Variants in RNF180 observed in about 807,000 individuals in gnomAD.
RNF180 encodes ring finger protein 180, also known as E3 ubiquitin-protein ligase RNF180.
A neutral mutation model predicts 59.2 loss-of-function variants in RNF180; 38 were observed. The observed-to-expected ratio is 0.64, with a 90% CI of 0.50 to 0.84. The LOEUF is 0.84. Among genes scored for constraint, RNF180 ranks in the 40% least tolerant of loss-of-function variants. RNF180 has a pLI of 0.00. For synonymous variants in RNF180, 262 were observed against 240.3 expected (o/e 1.09, Z -0.84); for missense variants, 705 against 700.9 (o/e 1.01, Z -0.07).
At chr5:64,345,409 T>C (rs754483904) in intron 7 of RNF180, among the ~76,000 whole-genome samples, 1 of 152,180 alleles carries the variant, frequency 6.6e-6, no homozygotes, top group Non-Finnish European at 1.5e-5. Context: ...AAGATAACTA[T>C]CCATAGGGGT....
Position 64,213,840 on chromosome 5 carries a change from A to C in RNF180, c.514A>C (p.Asn172His). ...NHRLLNMARN[N>H]NDPGRLTEAL... ...CAGGCTTTTAAACATGGCCCGAAATAATAATGACCCTGGAAGATTAACAGA... is the reference window on the plus strand; with the variant it reads ...CAGGCTTTTAAACATGGCCCGAAATCATAATGACCCTGGAAGATTAACAGA... Residue 172 changes from asparagine to histidine, a missense_variant, in exon 4 of 8, where the codon AAT becomes CAT. Coordinates refer to ENST00000389100, the MANE Select transcript of RNF180 (RefSeq NM_001113561.2). 6.2e-7 allele frequency: 1 copy of C among 1,614,140 alleles called. No homozygotes were observed. Among genetic ancestry groups the C allele is most frequent in the Non-Finnish European group, 8.5e-7 (1 of 1,180,018 alleles).
chr5:64,346,263 A>T (rs1445139154), intron 7 of RNF180, among the ~76,000 whole-genome samples: 2 of 151,324 alleles, frequency 1.3e-5, no homozygotes, highest in African/African-American at 4.8e-5. Context: ...AATATTCATG[A>T]CATGAGGGAA....
At chr5:64,357,594 T>C (rs1028511160) in intron 7 of RNF180, among the ~76,000 whole-genome samples, 3 of 151,824 alleles carry the variant, frequency 2.0e-5, no homozygotes, top group Non-Finnish European at 2.9e-5. Flanking sequence ...CATTTTATTC[T>C]CTAAAGTCTG....
At chr5:64,301,667 T>A (rs1184002265) in intron 5 of RNF180, among the ~76,000 whole-genome samples, 2 of 151,012 alleles carry the variant, frequency 1.3e-5, no homozygotes, top group Non-Finnish European at 3.0e-5. Context: ...TTTAAAAATG[T>A]CTTAGTCATA....
intron 5 of RNF180, among the ~76,000 whole-genome samples, chr5:64,288,341 C>G (rs935356041): frequency 7.2e-5 from 11 of 152,128 alleles, no homozygotes; most frequent in African/African-American, 2.7e-4. Context: ...TGTGATGCCT[C>G]CAGCTTTGTT....
At chr5:64,233,641 C>T (rs964168372) in intron 5 of RNF180, among the ~76,000 whole-genome samples, 1 of 152,186 alleles carries the variant, frequency 6.6e-6, no homozygotes. Context: ...GGATTGGGAG[C>T]TGGAAGAAGA....
In RNF180 at chr5:64,193,602, G is replaced by A. The variant is rs143351907; in HGVS notation, c.1-7206G>A. ...GTTTAGGATTTGGATTATGAAAGTC[G>A]TCTTTAGCATTTAACCAGTTCTTTG... On this transcript the variant is annotated intron_variant, in intron 1 of 7. Coordinates refer to ENST00000389100, the MANE Select transcript of RNF180 (RefSeq NM_001113561.2). Among the ~76,000 whole-genome samples, 39 of 152,180 alleles carry A rather than the reference G, an allele frequency of 2.6e-4. No homozygotes were observed. The East Asian group carries it at 3.9e-3, about 15-fold the overall frequency.
chr5:64,240,737 T>G (rs991467203), intron 5 of RNF180, among the ~76,000 whole-genome samples: 1 of 152,208 alleles, frequency 6.6e-6, no homozygotes, highest in African/African-American at 2.4e-5. Context: ...TTCTTCTGCC[T>G]GGAAGGCTCT....
rs1295862804 is a variant in RNF180 at position 64,328,901 on chromosome 5, T to C, written c.1454-1380T>C. On this transcript the variant is annotated intron_variant, in intron 6 of 7. Coordinates refer to ENST00000389100, the MANE Select transcript of RNF180 (RefSeq NM_001113561.2). Reference sequence around the variant, plus strand: ...AGGGGATGGTTGATGGAAAGCCTAGTTTACTTCTCAGGTTAGTAACTAGCT... The same window carrying C: ...AGGGGATGGTTGATGGAAAGCCTAGCTTACTTCTCAGGTTAGTAACTAGCT... Among the ~76,000 whole-genome samples the C allele has an allele frequency of 3.3e-5, 5 of 152,292 alleles. No individual in the cohort carries two copies. The East Asian group carries it at 9.7e-4, about 29-fold the overall frequency.
At chr5:64,340,764 T>C (rs906022893) in intron 7 of RNF180, among the ~76,000 whole-genome samples, 2 of 152,256 alleles carry the variant, frequency 1.3e-5, no homozygotes, top group Non-Finnish European at 2.9e-5. Context: ...TTACACAGTT[T>C]ACTTATGAGT....
chr5:64,187,219 A>G (rs1750914800), intron 1 of RNF180, among the ~76,000 whole-genome samples: 1 of 152,204 alleles, frequency 6.6e-6, no homozygotes, highest in African/African-American at 2.4e-5. Flanking sequence ...ACTTTAATTG[A>G]AGTATGTGAC....
intron 5 of RNF180, among the ~76,000 whole-genome samples, chr5:64,295,310 G>A (rs919365362): frequency 6.6e-6 from 1 of 152,024 alleles, no homozygotes; most frequent in African/African-American, 2.4e-5. Flanking sequence ...TGCCACCTGG[G>A]GCATCTCTGT....
intron 7 of RNF180, among the ~76,000 whole-genome samples, chr5:64,351,886 G>A (rs1745826898): frequency 6.6e-6 from 1 of 152,062 alleles, no homozygotes; most frequent in South Asian, 2.1e-4. Context: ...GTCTCTGTCA[G>A]GCTTTGGTAT....
At chr5:64,272,969 A>G (rs1039623371) in intron 5 of RNF180, among the ~76,000 whole-genome samples, 1 of 151,936 alleles carries the variant, frequency 6.6e-6, no homozygotes, top group Admixed American at 6.6e-5. Context: ...AAAAAAGGTC[A>G]AGGCTGGAGT....
rs547657153 is a variant in RNF180, at chr5:64,370,763, A to G, written c.*949A>G. ...AATAAGAGAACTGAATCATTAGAAC[A>G]TGGAATTGGGGCAGGTAACCCAATT... On this transcript the variant is annotated 3_prime_UTR_variant, in exon 8 of 8. Coordinates refer to ENST00000389100, the MANE Select transcript of RNF180 (RefSeq NM_001113561.2). The G allele has an allele frequency of 5.9e-5, 9 of 151,824 alleles. No homozygotes were observed. The South Asian group carries it at 1.9e-3, about 31-fold the overall frequency. The allele number at this position is 151,824 out of a possible 1,614,324, so 9.4% of individuals were successfully genotyped here.
chr5:64,217,665 T>C (rs1752706317), intron 5 of RNF180: 2 of 356,164 alleles, frequency 5.6e-6, no homozygotes, highest in Non-Finnish European at 8.8e-6. Context: ...TTCAAATCTT[T>C]TGGGCTGGTG....
intron 1 of RNF180, among the ~76,000 whole-genome samples, chr5:64,185,772 G>C (rs1750838884): frequency 6.6e-6 from 1 of 152,174 alleles, no homozygotes; most frequent in Non-Finnish European, 1.5e-5. Flanking sequence ...CCCTATCTCT[G>C]GGAGTTTACA....
intron 7 of RNF180, among the ~76,000 whole-genome samples, chr5:64,364,695 C>A (rs1746380897): frequency 6.6e-6 from 1 of 151,644 alleles, no homozygotes; most frequent in East Asian, 1.9e-4. Flanking sequence ...GTGAATCAGT[C>A]TGGTCCTGGA....
intron 1 of RNF180, among the ~76,000 whole-genome samples, chr5:64,167,695 A>G (rs1366562627): frequency 6.6e-6 from 1 of 152,122 alleles, no homozygotes; most frequent in Non-Finnish European, 1.5e-5. Context: ...TACTCTTACA[A>G]TGTCTTTTTC....
Sources: gnomAD v4.1 joint callset for allele counts (sites outside exome capture counted in the v4.1 genomes callset) on GRCh38, gnomAD v4.1.1 for gene constraint, MANE v1.5 for transcripts, NCBI Gene and HGNC (gene_info 2026-07-23, HGNC 2026-07-21) for gene names.